Variants in NEDD9 observed in about 807,000 individuals in gnomAD.
The protein encoded by NEDD9 is enhancer of filamentation 1.
Under a neutral mutation model 76.6 loss-of-function variants are expected in NEDD9, and 26 were observed. The ratio of observed to expected loss-of-function variants is 0.34; its 90% CI spans 0.25 to 0.47. The LOEUF (loss-of-function observed/expected upper bound fraction) is 0.47, where lower values mean the gene tolerates loss of function less well. Ranked by LOEUF, NEDD9 falls within the 20% of genes least tolerant of loss-of-function variation. The probability of loss-of-function intolerance (pLI) is 1.00; values close to 1 mark genes in which losing one functional copy is unlikely to be tolerated. For missense variants in NEDD9, 937 were observed against 1,058.5 expected (o/e 0.89, Z 1.59); for synonymous variants, 392 against 414.2 (o/e 0.95, Z 0.65).
At chr6:11,285,917 T>G (rs886911139) in intron 3 of NEDD9, among the ~76,000 whole-genome samples, 2 of 152,168 alleles carry the variant, frequency 1.3e-5, no homozygotes, top group African/African-American at 4.8e-5. Context: ...AGAAAATGTT[T>G]GTGACTTTGG....
At chr6:11,306,164 A>T (rs1761179705) in intron 2 of NEDD9, 1 of 818,842 alleles carries the variant, frequency 1.2e-6, no homozygotes, top group African/African-American at 1.7e-5. Flanking sequence ...ATCTGAAAAC[A>T]GGAGATAGAG....
chr6:11,241,965 T>A lies in NEDD9; in HGVS notation c.13-28238A>T, dbSNP rs1330955633. Among the ~76,000 whole-genome samples the A allele has an allele frequency of 6.6e-6, 1 of 152,232 alleles. No homozygotes were observed. The highest frequency in any genetic ancestry group is 2.4e-5 in the African/African-American group (1 of 41,478). The stretch of plus-strand genomic sequence containing the variant: ...AATGTGGCGGGAACACAGCACACCC[T>A]GCACGGTTCAAGCCAAGCTTTTGAA... On this transcript the variant is annotated intron_variant, in intron 3 of 3. Coordinates refer to the NEDD9 transcript ENST00000397378. This position sits in a 1 kb window ranked among gnomAD's most constrained non-coding sequence, Gnocchi z 4.0.
At chr6:11,279,067 G>C (rs1257786781) in intron 3 of NEDD9, among the ~76,000 whole-genome samples, 4 of 152,084 alleles carry the variant, frequency 2.6e-5, no homozygotes, top group Admixed American at 2.6e-4. Flanking sequence ...TAGAAATATT[G>C]TCAATATACT....
chr6:11,221,878 A>G (rs1423804991), intron 1 of NEDD9, among the ~76,000 whole-genome samples: 1 of 152,162 alleles, frequency 6.6e-6, no homozygotes, highest in Admixed American at 6.5e-5. Flanking sequence ...TTTATTAACA[A>G]TAAAACAACC....
At chr6:11,306,080 C>G (rs1330312620) in exon 3 of NEDD9, 15 of 1,546,124 alleles carry the variant, frequency 9.7e-6, no homozygotes, top group Non-Finnish European at 1.3e-5. Context: ...CCAGTTTCTT[C>G]GTTTTCATAA....
intron 2 of NEDD9, among the ~76,000 whole-genome samples, chr6:11,307,343 G>T (rs1286662851): frequency 1.3e-5 from 2 of 152,100 alleles, no homozygotes; most frequent in Non-Finnish European, 2.9e-5. Flanking sequence ...TAAGAGGGGG[G>T]AAAAAGGAAT....
At chr6:11,316,662 G>A (rs1402517247) in intron 2 of NEDD9, among the ~76,000 whole-genome samples, 1 of 152,226 alleles carries the variant, frequency 6.6e-6, no homozygotes, top group Non-Finnish European at 1.5e-5. Flanking sequence ...TGAAGGGGCA[G>A]TTGAAATGGA....
chr6:11,256,714 T>C (rs980695178), intron 3 of NEDD9, among the ~76,000 whole-genome samples: 19 of 152,188 alleles, frequency 1.2e-4, no homozygotes, highest in Non-Finnish European at 4.4e-5. Context: ...TTCTCCTGCT[T>C]TGACCTCCCA....
At chr6:11,292,996 G>A (rs953656612) in intron 3 of NEDD9, among the ~76,000 whole-genome samples, 1 of 152,130 alleles carries the variant, frequency 6.6e-6, no homozygotes, top group East Asian at 1.9e-4. Context: ...GAATGGGGTG[G>A]GGTCCAGGGA....
chr6:11,244,582 T>C (rs1759772973), intron 3 of NEDD9, among the ~76,000 whole-genome samples: 5 of 152,128 alleles, frequency 3.3e-5, no homozygotes, highest in Admixed American at 2.0e-4. Flanking sequence ...TCAGGCCTGA[T>C]TGGTCATAGA....
intron 1 of NEDD9, among the ~76,000 whole-genome samples, chr6:11,344,873 A>G (rs1475310734): frequency 6.6e-6 from 1 of 152,104 alleles, no homozygotes; most frequent in Non-Finnish European, 1.5e-5. Flanking sequence ...TCAGTATTCA[A>G]AAAAAAGTGG....
Position 11,213,404 on chromosome 6 carries a change from G to A in NEDD9, c.336C>T (p.Tyr112=). ...GGACTTGGTAAATTCCCTGATTTTG[G>A]TAGGAAGGTGGCACTTGGTAGATGG... The part of the protein sequence containing the change: ...RDTIYQVPPS[Y]QNQGIYQVPT... The change falls in exon 2 of 7, where the codon TAC becomes TAT. Residue 112 remains tyrosine, a synonymous_variant. Coordinates refer to ENST00000379446, the MANE Select transcript of NEDD9 (RefSeq NM_006403.4). This position sits in a 1 kb window ranked among gnomAD's most constrained non-coding sequence, Gnocchi z 5.4. The A allele has an allele frequency of 6.2e-7, 1 of 1,613,962 alleles. No individual in the cohort carries two copies.
rs1758217122 is a variant in NEDD9 at position 11,193,609 on chromosome 6, A to C, written c.543T>G (p.Pro181=). ...TACGCACCCCTTGAGTGGTATGAGA[A>C]GGAGGGATATCATAGACGTCCTTTT... ...RYQKDVYDIP[P]SHTTQGVYDI... is the part of the protein sequence containing the mutation. The change falls in exon 3 of 7, where the codon CCT becomes CCG. Residue 181 remains proline, a synonymous_variant. Transcript: ENST00000379446. The C allele has an allele frequency of 6.2e-7, 1 of 1,613,164 alleles. No individual in the cohort carries two copies. Among genetic ancestry groups the C allele is most frequent in the African/African-American group, 1.3e-5 (1 of 74,926 alleles).
In NEDD9 at chr6:11,241,878, G is replaced by C. The variant is rs976104891; in HGVS notation, c.13-28151C>G. 1.3e-5 allele frequency among the ~76,000 whole-genome samples: 2 copies of C among 152,340 alleles called. No individual in the cohort carries two copies. The highest frequency in any genetic ancestry group is 3.9e-4 in the East Asian group (2 of 5,174). Reference sequence around the variant, plus strand: ...CCAGCCCAAGCAGCCGCCAGCTGGCGCTCGTGAGCGCATGAAAGGAATCCG... The same window carrying C: ...CCAGCCCAAGCAGCCGCCAGCTGGCCCTCGTGAGCGCATGAAAGGAATCCG... On this transcript the variant is annotated intron_variant, in intron 3 of 3. Transcript: ENST00000397378. This position sits in a 1 kb window ranked among gnomAD's most constrained non-coding sequence, Gnocchi z 4.0.
At chr6:11,280,887 C>T (rs116141792) in intron 3 of NEDD9, among the ~76,000 whole-genome samples, 2,641 of 152,306 alleles carry the variant, frequency 0.017, 73 homozygotes, top group African/African-American at 0.059. Context: ...TTAGGATAAT[C>T]TGAGTGTGTC....
intron 1 of NEDD9, among the ~76,000 whole-genome samples, chr6:11,359,934 A>G (rs1407090467): frequency 1.3e-5 from 2 of 152,258 alleles, no homozygotes; most frequent in African/African-American, 4.8e-5. Flanking sequence ...TCAAAAAAAT[A>G]AAACAAGGCA....
intron 3 of NEDD9, among the ~76,000 whole-genome samples, chr6:11,266,076 A>AACAG (rs1760196119): frequency 6.6e-6 from 1 of 152,196 alleles, no homozygotes; most frequent in South Asian, 2.1e-4. Context: ...GAAATTACTT[A>AACAG]ATGGGTACAA....
At chr6:11,317,439 A>C (rs75125265) in intron 2 of NEDD9, among the ~76,000 whole-genome samples, 3 of 151,828 alleles carry the variant, frequency 2.0e-5, no homozygotes, top group South Asian at 2.1e-4. Context: ...AAAAAAAAAA[A>C]AGATAGATAG....
intron 3 of NEDD9, among the ~76,000 whole-genome samples, chr6:11,273,673 A>G (rs1760360292): frequency 6.6e-6 from 1 of 152,216 alleles, no homozygotes; most frequent in Non-Finnish European, 1.5e-5. Context: ...TCAAGATCCG[A>G]ATTACCCTGG....
Sources: gnomAD v4.1 joint callset for allele counts (sites outside exome capture counted in the v4.1 genomes callset) on GRCh38, gnomAD v4.1.1 for gene constraint, Gnocchi (gnomAD v3.1) non-coding constraint, MANE v1.5 for transcripts, NCBI Gene and HGNC (gene_info 2026-07-23, HGNC 2026-07-21) for gene names.